ROBO1: variants seen among roughly 807,000 people sequenced by gnomAD.
ROBO1 encodes roundabout guidance receptor 1.
In ROBO1, 149 loss-of-function variants were observed where a neutral mutation model predicts 195.9. That is an observed-to-expected ratio of 0.76 (90% confidence interval 0.67 to 0.87). The LOEUF is 0.87. Among genes scored for constraint, ROBO1 ranks in the 40% least tolerant of loss-of-function variants. The pLI, the probability that ROBO1 is intolerant of heterozygous loss-of-function variation, is 0.00. For synonymous variants in ROBO1, 816 were observed against 733.2 expected (o/e 1.11, Z -1.82); for missense variants, 1,933 against 2,068.3 (o/e 0.93, Z 1.27).
chr3:79,017,039 T>TA (rs1163545833), intron 3 of ROBO1, among the ~76,000 whole-genome samples: 34 of 152,282 alleles, frequency 2.2e-4, no homozygotes, highest in African/African-American at 8.2e-4. Context: ...CTCGAGGAGT[T>TA]AGTCTACTCA....
At chr3:78,999,238 C>T (rs1435128863) in intron 3 of ROBO1, among the ~76,000 whole-genome samples, 1 of 151,940 alleles carries the variant, frequency 6.6e-6, no homozygotes, top group African/African-American at 2.4e-5. Context: ...AATCGACCTA[C>T]AAAAAGATAA....
intron 2 of ROBO1, among the ~76,000 whole-genome samples, chr3:79,575,531 A>T (rs1420734167): frequency 2.1e-5 from 3 of 139,754 alleles, no homozygotes; most frequent in African/African-American, 7.8e-5. Flanking sequence ...AATATATATA[A>T]CAAATATATA....
intron 4 of ROBO1, among the ~76,000 whole-genome samples, chr3:78,783,821 A>G (rs2083752042): frequency 6.6e-6 from 1 of 152,180 alleles, no homozygotes; most frequent in African/African-American, 2.4e-5. Flanking sequence ...TTGGTGAACC[A>G]GGATATCTGA....
In ROBO1 at chr3:79,434,795, A is replaced by G. The variant is rs199630019; in HGVS notation, c.88+155029T>C. ...TTATTGTGGCACTATTCACAATAGC[A>G]AAGACTTGGAACCAACCCAAATGTC... On this transcript the variant is annotated intron_variant, in intron 2 of 30. Coordinates refer to ENST00000464233, the MANE Select transcript of ROBO1 (RefSeq NM_002941.4). 4.6e-4 allele frequency among the ~76,000 whole-genome samples: 70 copies of G among 152,314 alleles called. 1 individual carries two copies. In the East Asian group the frequency reaches 0.013, roughly 27 times the overall value.
At chr3:79,743,959 C>CT (rs552824926) in intron 1 of ROBO1, among the ~76,000 whole-genome samples, 31 of 149,788 alleles carry the variant, frequency 2.1e-4, no homozygotes, top group African/African-American at 3.4e-4. Context: ...TTACAATTAA[C>CT]TTTTTTTTTT....
chr3:79,660,359 C>T (rs1211572188), intron 1 of ROBO1, among the ~76,000 whole-genome samples: 3 of 152,042 alleles, frequency 2.0e-5, no homozygotes, highest in African/African-American at 7.2e-5. Context: ...GAAACAGAGA[C>T]ATTTATACAA....
rs142144739 is a variant in ROBO1 at position 79,463,850 on chromosome 3, T to C, written c.88+125974A>G. Among the ~76,000 whole-genome samples, 390 of 152,330 alleles carry C rather than the reference T, an allele frequency of 2.6e-3. 3 individuals carry two copies. The highest frequency in any genetic ancestry group is 8.9e-3 in the African/African-American group (370 of 41,588). On this transcript the variant is annotated intron_variant, in intron 2 of 30. Coordinates refer to ENST00000464233, the MANE Select transcript of ROBO1 (RefSeq NM_002941.4). ...CCATGGTTTTTATTATATTAAATAA[T>C]TGAACAATCATCACCATGATCAATT...
chr3:78,775,463 T>C (rs2083481251), intron 4 of ROBO1, among the ~76,000 whole-genome samples: 1 of 152,232 alleles, frequency 6.6e-6, no homozygotes, highest in Non-Finnish European at 1.5e-5. Context: ...ATGAGATTAG[T>C]AAGACTTTCA....
chr3:79,697,554 G>A (rs1947483578), intron 1 of ROBO1, among the ~76,000 whole-genome samples: 1 of 151,186 alleles, frequency 6.6e-6, no homozygotes, highest in African/African-American at 2.4e-5. Flanking sequence ...ATATTTTAAT[G>A]CATAAAAAGG....
At chr3:79,583,915 A>C (rs1943737398) in intron 2 of ROBO1, among the ~76,000 whole-genome samples, 1 of 151,942 alleles carries the variant, frequency 6.6e-6, no homozygotes, top group Admixed American at 6.6e-5. Context: ...ATTTCTATTG[A>C]CTCTAGATAT....
intron 18 of ROBO1, among the ~76,000 whole-genome samples, chr3:78,656,727 C>T (rs1226208304): frequency 6.6e-6 from 1 of 152,026 alleles, no homozygotes. Flanking sequence ...ACGGAGGTAT[C>T]CTTGGTGCTC....
chr3:79,018,373 G>A, intron 3 of ROBO1: 2 of 1,613,162 alleles, frequency 1.2e-6, no homozygotes, highest in Non-Finnish European at 1.7e-6. Context: ...CGAACAGGGA[G>A]GATCAAGGGT....
chr3:79,379,243 T>C (rs2036489101), intron 2 of ROBO1, among the ~76,000 whole-genome samples: 2 of 152,224 alleles, frequency 1.3e-5, no homozygotes, highest in African/African-American at 4.8e-5. Flanking sequence ...TTACGTTTCA[T>C]GCTCTCTCGA....
chr3:79,313,406 C>T (rs1004807887), intron 2 of ROBO1, among the ~76,000 whole-genome samples: 4 of 151,994 alleles, frequency 2.6e-5, no homozygotes, highest in African/African-American at 9.7e-5. Flanking sequence ...TCCCTTTGCA[C>T]GATTAAGACT....
intron 2 of ROBO1, among the ~76,000 whole-genome samples, chr3:79,467,629 AC>A (rs1938036918): frequency 6.6e-6 from 1 of 151,854 alleles, no homozygotes; most frequent in Non-Finnish European, 1.5e-5. Flanking sequence ...TGGGCTCACC[AC>A]CCATCCCACT....
At chr3:79,167,899 G>C (rs1469422511) in intron 2 of ROBO1, among the ~76,000 whole-genome samples, 1 of 152,212 alleles carries the variant, frequency 6.6e-6, no homozygotes, top group Non-Finnish European at 1.5e-5. Context: ...TTTCATGAGA[G>C]AGGTTAGGAG....
At chr3:79,242,546 C>G (rs1012591914) in intron 2 of ROBO1, among the ~76,000 whole-genome samples, 1 of 152,116 alleles carries the variant, frequency 6.6e-6, no homozygotes. Flanking sequence ...AAAGTAGGTG[C>G]CAATAAAGCC....
At chr3:79,648,654 A>G (rs774495922) in intron 1 of ROBO1, among the ~76,000 whole-genome samples, 21 of 152,132 alleles carry the variant, frequency 1.4e-4, no homozygotes, top group Non-Finnish European at 2.2e-4. Context: ...ATGGGGTAAT[A>G]TTCAGAGTAA....
At chr3:78,974,756 A>G (rs1306128484) in intron 3 of ROBO1, among the ~76,000 whole-genome samples, 2 of 152,174 alleles carry the variant, frequency 1.3e-5, no homozygotes, top group Non-Finnish European at 2.9e-5. Context: ...TCTTGTTTTC[A>G]TACCTAATAT....
Sources: gnomAD v4.1 joint callset for allele counts (sites outside exome capture counted in the v4.1 genomes callset) on GRCh38, gnomAD v4.1.1 for gene constraint, MANE v1.5 for transcripts, NCBI Gene and HGNC (gene_info 2026-07-23, HGNC 2026-07-21) for gene names.